GALK1: variants seen among roughly 807,000 people sequenced by gnomAD.
GALK1 encodes the protein galactokinase 1.
GALK1 carries 30 observed loss-of-function variants against 38.6 expected under a neutral mutation model. The ratio of observed to expected loss-of-function variants is 0.78; its 90% CI spans 0.58 to 1.05. GALK1 has a LOEUF of 1.05. Ranked by LOEUF, GALK1 falls within the 50% of genes least tolerant of loss-of-function variation. The probability of loss-of-function intolerance (pLI) is 0.00; values close to 1 mark genes in which losing one functional copy is unlikely to be tolerated. For synonymous variants in GALK1, 240 were observed against 233.6 expected (o/e 1.03, Z -0.25); for missense variants, 512 against 540.5 (o/e 0.95, Z 0.52).
In GALK1 at chr17:75,757,996, A is replaced by C. The variant is rs2061559300; in HGVS notation, c.*60T>G. Reference sequence around the variant, plus strand: ...GGATATGGAAGATGGCACCGGGCACAGAGCCGTGGGACTGGCCTGCAGGCC... The same window carrying C: ...GGATATGGAAGATGGCACCGGGCACCGAGCCGTGGGACTGGCCTGCAGGCC... On this transcript the variant is annotated 3_prime_UTR_variant, in exon 8 of 8. Transcript: ENST00000588479. 6.3e-7 allele frequency: 1 copy of C among 1,579,154 alleles called. No individual in the cohort carries two copies. Among genetic ancestry groups the C allele is most frequent in the Non-Finnish European group, 8.7e-7 (1 of 1,153,136 alleles).
Position 75,758,566 on chromosome 17 carries a change from C to T in GALK1, c.827G>A (p.Arg276Gln), listed in dbSNP as rs980106956. ...ARDLVSKEGF[R>Q]RARHVVGEIR... ...CTCCCCCACCACGTGCCGGGCCCGCCGGAAGCCCTCTTTGCTCACCAGGTC... is the reference window on the plus strand; with the variant it reads ...CTCCCCCACCACGTGCCGGGCCCGCTGGAAGCCCTCTTTGCTCACCAGGTC... The change falls in exon 6 of 8, where the codon CGG becomes CAG. Residue 276 changes from arginine to glutamine, a missense_variant. Physicochemically the swap from Arg to Gln is conservative, Grantham distance 43. Transcript: ENST00000588479. 2.0e-5 allele frequency: 32 copies of T among 1,596,758 alleles called. No individual in the cohort carries two copies. Among genetic ancestry groups the T allele is most frequent in the Middle Eastern group, 1.7e-4 (1 of 6,008 alleles).
chr17:75,763,887 G>A lies in GALK1; in HGVS notation c.355+10C>T. The A allele has an allele frequency of 6.2e-7, 1 of 1,613,324 alleles. No homozygotes were observed. The highest frequency in any genetic ancestry group is 8.5e-7 in the Non-Finnish European group (1 of 1,179,706). ...TCAGTGAGGACTTGGCTCAGGCCTGGGCCCCATACCTGGGTAGTACTGAAT... is the reference window on the plus strand; with the variant it reads ...TCAGTGAGGACTTGGCTCAGGCCTGAGCCCCATACCTGGGTAGTACTGAAT... On this transcript the variant is annotated intron_variant, in intron 2 of 7. Coordinates refer to ENST00000588479, the MANE Select transcript of GALK1 (RefSeq NM_000154.2).
chr17:75,754,920 A>T, downstream of GALK1: 1 of 1,565,204 alleles, frequency 6.4e-7, no homozygotes, highest in East Asian at 2.2e-5. Flanking sequence ...ATTCTCCAAC[A>T]TACACACACG....
chr17:75,762,783 C>T lies in GALK1; in HGVS notation c.714G>A (p.Val238=). The T allele has an allele frequency of 1.2e-6, 2 of 1,613,954 alleles. No individual in the cohort carries two copies. Among genetic ancestry groups the T allele is most frequent in the Non-Finnish European group, 1.7e-6 (2 of 1,180,028 alleles). ...CCACTTCTTCACATTGGCGCCGCCG[C>T]ACAGGGTACTCGCTGGAGGCCAGGG... is the stretch of plus-strand genomic sequence containing the variant. ...RHSLASSEYP[V]RRRQCEEVAR... Residue 238 remains valine (V), a synonymous_variant, in exon 5 of 8, where the codon GTG becomes GTA. Transcript: ENST00000588479.
At chr17:75,753,701 C>T (rs373121522), downstream of GALK1, 5 of 1,143,314 alleles carry the variant, frequency 4.4e-6, no homozygotes, top group African/African-American at 7.9e-5. Flanking sequence ...GGCCTTCCCC[C>T]GCCTGGCCCT....
intron 2 of GALK1, 94 bp downstream of exon 2, chr17:75,763,803 C>A: frequency 8.2e-7 from 1 of 1,223,328 alleles, no homozygotes; most frequent in Non-Finnish European, 1.2e-6. Context: ...TACAAGCCTT[C>A]CCCACAGTGT....
intron 5 of GALK1, among the ~76,000 whole-genome samples, chr17:75,760,107 T>C (rs547922086): frequency 2.0e-5 from 3 of 152,256 alleles, no homozygotes; most frequent in African/African-American, 7.2e-5. Flanking sequence ...ATCTTTTTTG[T>C]TTTGGAGACA....
chr17:75,762,664 C>G, intron 5 of GALK1, 40 bp downstream of exon 5: 1 of 1,607,542 alleles, frequency 6.2e-7, no homozygotes, highest in Non-Finnish European at 8.5e-7. Context: ...CAGCAGGGAG[C>G]ACAGCCGCCT....
chr17:75,754,801 C>T, downstream of GALK1: 1 of 1,614,140 alleles, frequency 6.2e-7, no homozygotes, highest in African/African-American at 1.3e-5. Flanking sequence ...ACCCTCACCT[C>T]CGTCTCCTCC....
downstream of GALK1, chr17:75,756,758 C>T (rs1243329330): frequency 6.2e-7 from 1 of 1,613,040 alleles, no homozygotes; most frequent in Non-Finnish European, 8.5e-7. Context: ...GTGTTCACTG[C>T]CCTGAGCCCA....
At chr17:75,755,148 C>G, downstream of GALK1, 6 of 1,611,836 alleles carry the variant, frequency 3.7e-6, no homozygotes, top group Non-Finnish European at 5.1e-6. Context: ...GGGTTCCCCC[C>G]TTCCAGGGGC....
chr17:75,759,292 G>A (rs1041545033), intron 5 of GALK1, among the ~76,000 whole-genome samples: 15 of 152,084 alleles, frequency 9.9e-5, no homozygotes, highest in South Asian at 2.1e-4. Flanking sequence ...GCCGGGCATC[G>A]TGGCAGGCGC....
At chr17:75,755,648 C>T, downstream of GALK1, 3 of 1,608,706 alleles carry the variant, frequency 1.9e-6, no homozygotes, top group East Asian at 2.2e-5. Flanking sequence ...CTGTGACTCC[C>T]ACTGAGACCC....
chr17:75,752,711 T>C, intron 8 of GALK1: 1 of 1,129,230 alleles, frequency 8.9e-7, no homozygotes, highest in Non-Finnish European at 1.3e-6. Flanking sequence ...ACAAATGCAA[T>C]GGAGTGCACA....
At chr17:75,756,521 C>T (rs775386000), downstream of GALK1, 32 of 1,613,176 alleles carry the variant, frequency 2.0e-5, no homozygotes, top group East Asian at 2.2e-4. Context: ...GTTCCGCGTG[C>T]GGGCCCAGAG....
chr17:75,754,351 C>A (rs188042833), downstream of GALK1: 4 of 614,290 alleles, frequency 6.5e-6, no homozygotes, highest in African/African-American at 5.5e-5. Context: ...GTGCTCACAC[C>A]GATAGAGTGG....
In GALK1 at chr17:75,764,061, A is replaced by G. The variant is rs1316114473; in HGVS notation, c.191T>C (p.Val64Ala). The part of the protein sequence containing the change: ...PMALELMTVL[V>A]GSPRKDGLVS... ...CAGCCCATCCTTGCGGGGGCTGCCC[A>G]CCAGCACCGTCATGAGCTCCAGAGC... Residue 64 changes from valine (V) to alanine (A), a missense_variant, in exon 2 of 8, where the codon GTG becomes GCG. Transcript: ENST00000588479. 3.8e-6 allele frequency: 6 copies of G among 1,590,266 alleles called. No individual in the cohort carries two copies. Among genetic ancestry groups the G allele is most frequent in the Non-Finnish European group, 1.7e-6 (2 of 1,170,898 alleles).
intron 5 of GALK1, among the ~76,000 whole-genome samples, chr17:75,762,485 C>T (rs1477720409): frequency 6.6e-6 from 1 of 152,158 alleles, no homozygotes; most frequent in Non-Finnish European, 1.5e-5. Context: ...TCTACATTTT[C>T]CACAATGGAA....
In GALK1 at chr17:75,764,094, G is replaced by A; in HGVS notation, c.166-8C>T. On this transcript the variant is annotated splice_polypyrimidine_tract_variant and splice_region_variant and intron_variant, in intron 1 of 7. Coordinates refer to ENST00000588479, the MANE Select transcript of GALK1 (RefSeq NM_000154.2). ...CGTCATGAGCTCCAGAGCCTGGCAGGAGAGACAAGCAGTACGTGAGGCTTC... is the reference window on the plus strand; with the variant it reads ...CGTCATGAGCTCCAGAGCCTGGCAGAAGAGACAAGCAGTACGTGAGGCTTC... 10 of 1,570,424 alleles carry A rather than the reference G, an allele frequency of 6.4e-6. No individual in the cohort carries two copies. The highest frequency in any genetic ancestry group is 1.1e-5 in the South Asian group (1 of 87,238).
Sources: gnomAD v4.1 joint callset for allele counts (sites outside exome capture counted in the v4.1 genomes callset) on GRCh38, gnomAD v4.1.1 for gene constraint, MANE v1.5 for transcripts, NCBI Gene and HGNC (gene_info 2026-07-23, HGNC 2026-07-21) for gene names.